Variants in ZMAT4 observed in about 807,000 individuals in gnomAD.
ZMAT4 encodes the protein zinc finger matrin-type 4, also known as zinc finger matrin-type protein 4.
A neutral mutation model predicts 28.7 loss-of-function variants in ZMAT4; 17 were observed. That is an observed-to-expected ratio of 0.59 (90% confidence interval 0.41 to 0.89). The LOEUF is 0.89. ZMAT4 is among the 40% of genes least tolerant of loss of function. The probability of loss-of-function intolerance (pLI) is 0.00; values close to 1 mark genes in which losing one functional copy is unlikely to be tolerated. For synonymous variants in ZMAT4, 117 were observed against 109.2 expected (o/e 1.07, Z -0.44); for missense variants, 240 against 283.8 (o/e 0.85, Z 1.11).
intron 6 of ZMAT4, among the ~76,000 whole-genome samples, chr8:40,562,204 T>C (rs1266792568): frequency 1.3e-5 from 2 of 152,176 alleles, no homozygotes; most frequent in Non-Finnish European, 2.9e-5. Flanking sequence ...CAAAACACCA[T>C]TCCATCAAAA....
In ZMAT4 at chr8:40,810,890, A is replaced by G. The variant is rs1815287921; in HGVS notation, c.102+14685T>C. On this transcript the variant is annotated intron_variant, in intron 2 of 6. Transcript: ENST00000297737. ...ACGATACGAATAGAAATCATTTAAAAATGAAATCATTTAAAAAGTATGTTT... is the reference window on the plus strand; with the variant it reads ...ACGATACGAATAGAAATCATTTAAAGATGAAATCATTTAAAAAGTATGTTT... 3.9e-5 allele frequency among the ~76,000 whole-genome samples: 6 copies of G among 152,334 alleles called. No individual in the cohort carries two copies. The South Asian group carries it at 1.2e-3, about 32-fold the overall frequency.
chr8:40,657,901 G>A (rs1476581860), intron 5 of ZMAT4, among the ~76,000 whole-genome samples: 2 of 152,102 alleles, frequency 1.3e-5, no homozygotes, highest in Non-Finnish European at 2.9e-5. Flanking sequence ...TCTTAAACAT[G>A]CAAATGTGTT....
At chr8:40,794,091 A>T (rs34261065) in intron 2 of ZMAT4, among the ~76,000 whole-genome samples, 40,019 of 152,016 alleles carry the variant, frequency 0.26, 5,453 homozygotes, top group East Asian at 0.34. Flanking sequence ...CAATTTTTTT[A>T]ATGTTTTTTT....
chr8:40,705,224 C>T (rs1026314677), intron 3 of ZMAT4, among the ~76,000 whole-genome samples: 11 of 152,162 alleles, frequency 7.2e-5, no homozygotes, highest in Non-Finnish European at 1.3e-4. Context: ...ACATTAGTTG[C>T]AAGACCCCAA....
intron 3 of ZMAT4, among the ~76,000 whole-genome samples, chr8:40,750,064 T>C (rs1007958022): frequency 2.6e-5 from 4 of 152,216 alleles, no homozygotes; most frequent in Non-Finnish European, 5.9e-5. Flanking sequence ...AAATGTATTT[T>C]CTGCAAGGTT....
chr8:40,778,323 A>G (rs920042737), intron 2 of ZMAT4, among the ~76,000 whole-genome samples: 1 of 152,250 alleles, frequency 6.6e-6, no homozygotes, highest in Admixed American at 6.5e-5. Flanking sequence ...GAAAAAAGTG[A>G]TCAGCGAATT....
intron 3 of ZMAT4, among the ~76,000 whole-genome samples, chr8:40,753,782 T>C (rs1458143229): frequency 1.3e-5 from 2 of 152,236 alleles, no homozygotes; most frequent in Admixed American, 6.5e-5. Flanking sequence ...ATAAGATTCT[T>C]GACTTAAGCT....
intron 5 of ZMAT4, among the ~76,000 whole-genome samples, chr8:40,643,357 A>G (rs1471167688): frequency 1.3e-5 from 2 of 152,218 alleles, no homozygotes; most frequent in Admixed American, 1.3e-4. Context: ...TGCTTTGCCT[A>G]CAAAAATAAA....
chr8:40,621,488 A>T (rs1806195939), intron 5 of ZMAT4, among the ~76,000 whole-genome samples: 1 of 152,218 alleles, frequency 6.6e-6, no homozygotes, highest in South Asian at 2.1e-4. Flanking sequence ...GGGTTCTGAA[A>T]TTGGAACAGA....
intron 1 of ZMAT4, among the ~76,000 whole-genome samples, chr8:40,881,439 G>GAAAGAGAGAAAGAAAT (rs1554497930): frequency 1.0e-4 from 8 of 79,574 alleles, no homozygotes; most frequent in African/African-American, 3.5e-4. Context: ...AAGAGAGAAA[G>GAAAGAGAGAAAGAAAT]AAAGAAAGAA....
In ZMAT4 at chr8:40,601,719, AAGAAAGAAAGAG is replaced by A. The variant is rs1317267261; in HGVS notation, c.578-20470_578-20459del. ...AAGAAAGAAAGAAAAGAAAGAAAGAAAGAAAGAAAGAGAAAGCAGGCAGGCAGGCAGGCAAAG... is the reference window on the plus strand; with the variant it reads ...AAGAAAGAAAGAAAAGAAAGAAAGAAAAAGCAGGCAGGCAGGCAGGCAAAG... On this transcript the variant is annotated intron_variant, in intron 5 of 6. Transcript: ENST00000297737. Among the ~76,000 whole-genome samples the A allele has an allele frequency of 1.1e-4, 7 of 65,142 alleles. 1 individual carries two copies. Among genetic ancestry groups the A allele is most frequent in the Admixed American group, 2.9e-4 (2 of 6,938 alleles). The allele number at this position is 65,142 out of a possible 152,430, so 42.7% of individuals were successfully genotyped here.
intron 6 of ZMAT4, among the ~76,000 whole-genome samples, chr8:40,570,942 A>G (rs1804078360): frequency 6.6e-6 from 1 of 152,048 alleles, no homozygotes; most frequent in African/African-American, 2.4e-5. Context: ...ACCCCTGGAG[A>G]TTGGTACTGG....
intron 4 of ZMAT4, among the ~76,000 whole-genome samples, chr8:40,683,030 A>T (rs1021216181): frequency 6.6e-6 from 1 of 152,198 alleles, no homozygotes; most frequent in Non-Finnish European, 1.5e-5. Context: ...CCAGAATCTA[A>T]GGTCCATGAG....
intron 3 of ZMAT4, among the ~76,000 whole-genome samples, chr8:40,701,314 G>A (rs1346061599): frequency 1.3e-5 from 2 of 152,038 alleles, no homozygotes; most frequent in African/African-American, 4.8e-5. Context: ...TTGTAAAAGA[G>A]GGACCAGGCA....
intron 2 of ZMAT4, among the ~76,000 whole-genome samples, chr8:40,768,062 G>A (rs1244896188): frequency 6.6e-6 from 1 of 152,140 alleles, no homozygotes; most frequent in Non-Finnish European, 1.5e-5. Context: ...CATTAATTGT[G>A]ATAAGAAGAG....
chr8:40,637,955 C>A (rs982280636), intron 5 of ZMAT4, among the ~76,000 whole-genome samples: 3 of 152,148 alleles, frequency 2.0e-5, no homozygotes, highest in African/African-American at 7.2e-5. Flanking sequence ...CTAGGCCAGA[C>A]ACAGGGAGAC....
At chr8:40,809,514 T>C (rs1815235393) in intron 2 of ZMAT4, among the ~76,000 whole-genome samples, 1 of 152,174 alleles carries the variant, frequency 6.6e-6, no homozygotes, top group Non-Finnish European at 1.5e-5. Context: ...ATTAAAGGCA[T>C]GGCTTTTGTT....
At chr8:40,715,004 G>A (rs1021050717) in intron 3 of ZMAT4, among the ~76,000 whole-genome samples, 14 of 128,556 alleles carry the variant, frequency 1.1e-4, no homozygotes, top group South Asian at 5.1e-4. Context: ...AGCCGAGATC[G>A]CTCCACTGCA....
chr8:40,881,557 A>G lies in ZMAT4; in HGVS notation c.-5+16126T>C, dbSNP rs962818158. On this transcript the variant is annotated intron_variant, in intron 1 of 6. Coordinates refer to ENST00000297737, the MANE Select transcript of ZMAT4 (RefSeq NM_024645.3). ...AAGAAAGAAAGAAAGAAAGAAAGAAAGAAAGAAAGAAAGAAAGAAAGAAAG... is the reference window on the plus strand; with the variant it reads ...AAGAAAGAAAGAAAGAAAGAAAGAAGGAAAGAAAGAAAGAAAGAAAGAAAG... Among the ~76,000 whole-genome samples, 152 of 98,238 alleles carry G rather than the reference A, an allele frequency of 1.5e-3. 6 individuals are homozygous for G. The highest frequency in any genetic ancestry group is 2.7e-3 in the Non-Finnish European group (126 of 47,034). The allele number at this position is 98,238 out of a possible 152,430, so 64.4% of individuals were successfully genotyped here. A position where few individuals can be genotyped will look rare whatever the true frequency, so the allele number is the denominator to read the frequency against.
Sources: allele counts gnomAD v4.1 joint callset (sites outside exome capture counted in the v4.1 genomes callset), GRCh38; gene constraint gnomAD v4.1.1; transcripts MANE v1.5; gene names NCBI Gene and HGNC (gene_info 2026-07-23, HGNC 2026-07-21).